The following NOP14 variants were observed in gnomAD, a reference collection of about 807,000 sequenced individuals.
The protein encoded by NOP14 is NOP14 nucleolar protein.
In NOP14, 57 loss-of-function variants were observed where a neutral mutation model predicts 101.6. The observed-to-expected ratio is 0.56, with a 90% confidence interval of 0.45 to 0.70. The LOEUF is 0.70. Ranked by LOEUF, NOP14 falls within the 30% of genes least tolerant of loss-of-function variation. The pLI is 0.00. For missense variants in NOP14, 1,134 were observed against 1,075.5 expected, an observed-to-expected ratio of 1.05 and a Z score of -0.76; for synonymous variants, 428 against 424.0, an observed-to-expected ratio of 1.01 and a Z score of -0.12.
rs995898584 is a variant in NOP14 at position 2,945,098 on chromosome 4, C to T, written c.1737+30G>A. On this transcript the variant is annotated intron_variant, in intron 12 of 17. Coordinates refer to ENST00000416614, the MANE Select transcript of NOP14 (RefSeq NM_001291978.2). Reference sequence around the variant, plus strand: ...TCCGGCCACCCGTGGTGCAGCAGGCCGACCCCTGCCGCATGTGGAGAGAAC... The same window carrying T: ...TCCGGCCACCCGTGGTGCAGCAGGCTGACCCCTGCCGCATGTGGAGAGAAC... The T allele has an allele frequency of 1.6e-5, 24 of 1,497,022 alleles. No individual in the cohort carries two copies. The East Asian group carries it at 1.7e-4, about 11-fold the overall frequency. 92.7% of individuals were successfully genotyped at this position (1,497,022 alleles called of 1,614,324 possible). A position where few individuals can be genotyped will look rare whatever the true frequency, so the allele number is the denominator to read the frequency against.
intron 2 of NOP14, 112 bp downstream of exon 2, chr4:2,957,494 G>A: frequency 7.7e-7 from 1 of 1,305,386 alleles, no homozygotes; most frequent in Non-Finnish European, 1.1e-6. Flanking sequence ...GCTATCCCCT[G>A]GACCTTCCGA....
At chr4:2,960,390 C>T (rs1715648930) in intron 1 of NOP14, among the ~76,000 whole-genome samples, 1 of 152,010 alleles carries the variant, frequency 6.6e-6, no homozygotes. Flanking sequence ...AATATTAGTT[C>T]TCATTATCTG....
In NOP14 at chr4:2,939,274, G is replaced by C. The variant is rs568065565; in HGVS notation, c.2388C>G (p.His796Gln). ...GAACGGCCCCTTTAAATTCACGCTTGTGTTTGTGGATCAGCCTCTTCCTTT... is the reference window on the plus strand; with the variant it reads ...GAACGGCCCCTTTAAATTCACGCTTCTGTTTGTGGATCAGCCTCTTCCTTT... ...EQERKRLIHK[H>Q]KREFKGAVRE... The change falls in exon 17 of 18, where the codon CAC (histidine) becomes CAG (glutamine). Residue 796 changes from histidine (H) to glutamine (Q), a missense_variant. By Grantham distance (24) the His-to-Gln change is conservative. Coordinates refer to ENST00000416614, the MANE Select transcript of NOP14 (RefSeq NM_001291978.2). 3 of 1,613,900 alleles carry C rather than the reference G, an allele frequency of 1.9e-6. No individual in the cohort carries two copies. Among genetic ancestry groups the C allele is most frequent in the Non-Finnish European group, 1.7e-6 (2 of 1,180,056 alleles).
At chr4:2,954,326 A>C in intron 4 of NOP14, 98 bp downstream of exon 4, 1 of 1,377,910 alleles carries the variant, frequency 7.3e-7, no homozygotes, top group Non-Finnish European at 1.0e-6. Flanking sequence ...TAAAATATTA[A>C]ACACAGCCTA....
chr4:2,959,289 T>C (rs1715543177), intron 1 of NOP14, among the ~76,000 whole-genome samples: 1 of 152,226 alleles, frequency 6.6e-6, no homozygotes, highest in Non-Finnish European at 1.5e-5. Flanking sequence ...TGCTAAACAA[T>C]GTTTGTTAAA....
At position 2,946,836 on chromosome 4, in the gene NOP14, G is replaced by C. The variant is rs1332657067; in HGVS notation, c.1500-289C>G. ...GGCAGCTGCAGCTGACAGCTCCAAGGCACTTTCCATATTAACTCATTTATT... is the reference window on the plus strand; with the variant it reads ...GGCAGCTGCAGCTGACAGCTCCAAGCCACTTTCCATATTAACTCATTTATT... On this transcript the variant is annotated intron_variant, in intron 10 of 17. Coordinates refer to ENST00000416614, the MANE Select transcript of NOP14 (RefSeq NM_001291978.2). 2.1e-5 allele frequency: 9 copies of C among 437,036 alleles called. No homozygotes were observed. The East Asian group carries it at 3.7e-4, about 18-fold the overall frequency. 27.1% of individuals were successfully genotyped at this position (437,036 alleles called of 1,614,324 possible).
intron 15 of NOP14, chr4:2,940,523 G>A (rs1034847844): frequency 1.3e-5 from 2 of 152,288 alleles, no homozygotes; most frequent in Non-Finnish European, 2.9e-5. Flanking sequence ...AGCAGGAAGT[G>A]GATACAGGAT....
chr4:2,951,281 T>A, intron 6 of NOP14, 36 bp from the exon 7 acceptor site: 1 of 1,606,308 alleles, frequency 6.2e-7, no homozygotes, highest in Non-Finnish European at 8.5e-7. Flanking sequence ...TAGAGCACAC[T>A]CTTCCAACAT....
At chr4:2,957,222 G>A (rs551877458) in intron 2 of NOP14, among the ~76,000 whole-genome samples, 48 of 152,074 alleles carry the variant, frequency 3.2e-4, no homozygotes, top group African/African-American at 1.1e-3. Context: ...GGATGGTCTC[G>A]ATCTCCTGAC....
chr4:2,951,456 A>C (rs1050769796), intron 6 of NOP14, among the ~76,000 whole-genome samples: 1 of 152,218 alleles, frequency 6.6e-6, no homozygotes, highest in Non-Finnish European at 1.5e-5. Context: ...TCAACTGTTC[A>C]AACTTTGTGG....
intron 4 of NOP14, 35 bp from the exon 5 acceptor site, chr4:2,953,680 G>A (rs200797389): frequency 1.7e-5 from 27 of 1,611,172 alleles, no homozygotes; most frequent in South Asian, 1.7e-4. Context: ...ACCACATACC[G>A]TTACTACTGG....
At chr4:2,960,962 TATATCAATATTATATTAATATTATATC>T (rs1237213314) in intron 1 of NOP14, among the ~76,000 whole-genome samples, 1 of 61,938 alleles carries the variant, frequency 1.6e-5, no homozygotes, top group East Asian at 3.2e-4. Context: ...ATATTAATAT[TATATCAATATTATATTAATATTATATC>T]GATATTATTT....
At chr4:2,943,941 C>G in intron 13 of NOP14, 132 bp downstream of exon 13, 1 of 700,616 alleles carries the variant, frequency 1.4e-6, no homozygotes. Flanking sequence ...GAGGGACAGA[C>G]AGTGCGGCGG....
chr4:2,949,797 T>TGTGTCCAGGCACTCCCAAGGGC, intron 8 of NOP14, 137 bp downstream of exon 8: 1 of 895,838 alleles, frequency 1.1e-6, no homozygotes, highest in Non-Finnish European at 1.7e-6. Flanking sequence ...GACACAGGGG[T>TGTGTCCAGGCACTCCCAAGGGC]GTGTCCAGGC....
Position 2,938,719 on chromosome 4 carries a change from G to C in NOP14, c.*112C>G, listed in dbSNP as rs1189411932. The stretch of plus-strand genomic sequence containing the variant: ...GACGGGGTCTTCCTGTGTTGCCCAG[G>C]CTGGTCTCGAACTCCTGGGCTGAAG... On this transcript the variant is annotated 3_prime_UTR_variant, in exon 18 of 18. Coordinates refer to ENST00000416614, the MANE Select transcript of NOP14 (RefSeq NM_001291978.2). 1 of 803,164 alleles carries C rather than the reference G, an allele frequency of 1.2e-6. No individual in the cohort carries two copies. The highest frequency in any genetic ancestry group is 2.0e-6 in the Non-Finnish European group (1 of 493,674). The allele number at this position is 803,164 out of a possible 1,614,324, so 49.8% of individuals were successfully genotyped here.
chr4:2,952,884 A>T (rs1715119516), intron 5 of NOP14, among the ~76,000 whole-genome samples: 1 of 152,260 alleles, frequency 6.6e-6, no homozygotes, highest in Admixed American at 6.5e-5. Context: ...TGGAGGTTGC[A>T]GTGAGGTGGA....
intron 15 of NOP14, 49 bp from the exon 16 acceptor site, chr4:2,939,694 C>G: frequency 1.4e-6 from 2 of 1,382,068 alleles, no homozygotes; most frequent in Non-Finnish European, 2.1e-6. Flanking sequence ...CTGCTGCGTG[C>G]CCTGAGCTCC....
chr4:2,942,823 C>T (rs749442418), intron 13 of NOP14, among the ~76,000 whole-genome samples: 4 of 145,414 alleles, frequency 2.8e-5, no homozygotes, highest in Admixed American at 1.3e-4. Flanking sequence ...GAGGGGCAGA[C>T]GTCAGCAAAG....
intron 14 of NOP14, 28 bp from the exon 15 acceptor site, chr4:2,941,757 C>A (rs1193159985): frequency 6.2e-7 from 1 of 1,602,776 alleles, no homozygotes; most frequent in East Asian, 2.2e-5. Flanking sequence ...AAGAGGAGGT[C>A]CAACTTGTTC....
Sources: allele counts gnomAD v4.1 joint callset (sites outside exome capture counted in the v4.1 genomes callset), GRCh38; gene constraint gnomAD v4.1.1; transcripts MANE v1.5; gene names NCBI Gene and HGNC (gene_info 2026-07-23, HGNC 2026-07-21).